PTPRD: variants seen among roughly 807,000 people sequenced by gnomAD.
PTPRD encodes the protein protein tyrosine phosphatase receptor type D, also known as receptor-type tyrosine-protein phosphatase delta.
PTPRD carries 34 observed loss-of-function variants against 214.5 expected under a neutral mutation model. The ratio of observed to expected loss-of-function variants is 0.16; its 90% CI spans 0.12 to 0.21. PTPRD has a LOEUF of 0.21. Ranked by LOEUF, PTPRD falls within the 10% of genes least tolerant of loss-of-function variation. PTPRD has a pLI of 1.00. For synonymous variants in PTPRD, 1,128 were observed against 845.7 expected, an observed-to-expected ratio of 1.33 and a Z score of -5.79; for missense variants, 2,545 against 2,398.7, an observed-to-expected ratio of 1.06 and a Z score of -1.27.
chr9:9,746,223 A>G (rs1192568981), intron 6 of PTPRD, among the ~76,000 whole-genome samples: 1 of 152,178 alleles, frequency 6.6e-6, no homozygotes, highest in Non-Finnish European at 1.5e-5. Context: ...AGCTAAGCAC[A>G]TATAAAATAA....
intron 11 of PTPRD, among the ~76,000 whole-genome samples, chr9:8,887,610 A>G (rs10815988): frequency 5.3e-5 from 8 of 151,942 alleles, no homozygotes; most frequent in African/African-American, 1.9e-4. Context: ...AGATTACAAC[A>G]TTTTTTTATT....
At chr9:10,337,188 A>C (rs2096858862) in intron 3 of PTPRD, among the ~76,000 whole-genome samples, 1 of 151,746 alleles carries the variant, frequency 6.6e-6, no homozygotes. Flanking sequence ...TATTGTATTA[A>C]ATTACTTTAA....
intron 2 of PTPRD, among the ~76,000 whole-genome samples, chr9:10,438,243 C>A: frequency 6.6e-6 from 1 of 151,288 alleles, no homozygotes; most frequent in East Asian, 2.0e-4. Flanking sequence ...ACTTTATGGT[C>A]TAATTAATGA....
At chr9:9,572,976 C>G (rs1209831168) in intron 8 of PTPRD, among the ~76,000 whole-genome samples, 1 of 151,550 alleles carries the variant, frequency 6.6e-6, no homozygotes, top group Non-Finnish European at 1.5e-5. Context: ...TCAATATGTA[C>G]TGAAGCAGAA....
chr9:9,506,309 G>A (rs1378611741), intron 8 of PTPRD, among the ~76,000 whole-genome samples: 2 of 151,426 alleles, frequency 1.3e-5, no homozygotes, highest in Admixed American at 6.6e-5. Context: ...ATTTGTAGAA[G>A]CAGTAGAGGA....
chr9:10,075,127 C>A (rs1440066288), intron 3 of PTPRD, among the ~76,000 whole-genome samples: 2 of 152,034 alleles, frequency 1.3e-5, no homozygotes, highest in Admixed American at 1.3e-4. Context: ...GGATTATATT[C>A]ATTTCTGTCA....
At chr9:10,526,332 AT>A in intron 2 of PTPRD, among the ~76,000 whole-genome samples, 1 of 152,284 alleles carries the variant, frequency 6.6e-6, no homozygotes, top group East Asian at 1.9e-4. Flanking sequence ...TGTGAGTATA[AT>A]ATTGCTAAAG....
At position 9,022,785 on chromosome 9, in the gene PTPRD, C is replaced by T. The variant is rs939419245; in HGVS notation, c.-142-4050G>A. 2.0e-5 allele frequency among the ~76,000 whole-genome samples: 3 copies of T among 152,064 alleles called. No homozygotes were observed. The East Asian group carries it at 5.8e-4, about 29-fold the overall frequency. ...TATGAAGAAGCTGTAATATGATTTG[C>T]TGAAAGTAGCTGCAAAATCTATATT... On this transcript the variant is annotated intron_variant, in intron 10 of 45. Transcript: ENST00000381196.
intron 2 of PTPRD, among the ~76,000 whole-genome samples, chr9:10,395,999 G>A (rs980991401): frequency 3.3e-5 from 5 of 151,714 alleles, no homozygotes; most frequent in African/African-American, 1.2e-4. Context: ...GACACAGCGA[G>A]AGACAGAAGG....
intron 4 of PTPRD, among the ~76,000 whole-genome samples, chr9:9,961,499 T>G (rs1442006194): frequency 6.6e-6 from 1 of 152,160 alleles, no homozygotes; most frequent in Non-Finnish European, 1.5e-5. Flanking sequence ...CCAGGAGCAT[T>G]AGTAAAAATT....
chr9:10,569,790 C>T (rs10959172), intron 2 of PTPRD, among the ~76,000 whole-genome samples: 39,759 of 151,784 alleles, frequency 0.26, 5,526 homozygotes, highest in Non-Finnish European at 0.31. Flanking sequence ...TTTTGGTGTG[C>T]TTTACCTCGA....
intron 9 of PTPRD, among the ~76,000 whole-genome samples, chr9:9,348,398 A>T (rs2049761772): frequency 6.6e-6 from 1 of 152,140 alleles, no homozygotes; most frequent in Non-Finnish European, 1.5e-5. Flanking sequence ...ATCTTGCAGT[A>T]GGAGACCATT....
At chr9:9,879,780 C>T (rs537465920) in intron 5 of PTPRD, among the ~76,000 whole-genome samples, 5 of 152,232 alleles carry the variant, frequency 3.3e-5, no homozygotes, top group African/African-American at 4.8e-5. Flanking sequence ...TGGAACATTT[C>T]TTGCTTCTTG....
intron 9 of PTPRD, among the ~76,000 whole-genome samples, chr9:9,392,767 T>A (rs572559433): frequency 6.6e-6 from 1 of 152,334 alleles, no homozygotes; most frequent in African/African-American, 2.4e-5. Flanking sequence ...CAAATTTGTC[T>A]ATGATGTCTC....
intron 5 of PTPRD, among the ~76,000 whole-genome samples, chr9:9,817,619 G>A (rs1157802840): frequency 6.6e-6 from 1 of 152,054 alleles, no homozygotes; most frequent in African/African-American, 2.4e-5. Context: ...AGTTAATTTT[G>A]TTTCTTTCAT....
At chr9:10,001,598 C>T (rs1450455603) in intron 4 of PTPRD, among the ~76,000 whole-genome samples, 2 of 152,098 alleles carry the variant, frequency 1.3e-5, no homozygotes, top group African/African-American at 2.4e-5. Flanking sequence ...AATGGAATAA[C>T]GTATTCAAAG....
chr9:10,587,164 C>A (rs773773106), intron 2 of PTPRD, among the ~76,000 whole-genome samples: 1 of 151,984 alleles, frequency 6.6e-6, no homozygotes, highest in Non-Finnish European at 1.5e-5. Context: ...AATACACAAA[C>A]AAGTCAAAGA....
At chr9:10,448,944 C>T (rs1281089430) in intron 2 of PTPRD, among the ~76,000 whole-genome samples, 2 of 152,106 alleles carry the variant, frequency 1.3e-5, no homozygotes, top group East Asian at 3.9e-4. Context: ...AATGATTATA[C>T]TTAATGAAAA....
intron 11 of PTPRD, among the ~76,000 whole-genome samples, chr9:8,933,136 C>T (rs988924773): frequency 6.6e-6 from 1 of 152,052 alleles, no homozygotes; most frequent in Non-Finnish European, 1.5e-5. Flanking sequence ...TCCCCGACCC[C>T]TTGTGCTTCC....
Sources: allele counts gnomAD v4.1 joint callset (sites outside exome capture counted in the v4.1 genomes callset), GRCh38; gene constraint gnomAD v4.1.1; transcripts MANE v1.5; gene names NCBI Gene and HGNC (gene_info 2026-07-23, HGNC 2026-07-21).